The following RASSF8 variants were observed in gnomAD, a reference collection of about 807,000 sequenced individuals.
The protein encoded by RASSF8 is ras association domain-containing protein 8.
In RASSF8, 22 loss-of-function variants were observed where a neutral mutation model predicts 48.5. The observed-to-expected ratio is 0.45, with a 90% CI of 0.32 to 0.65. The LOEUF is 0.65. Among genes scored for constraint, RASSF8 ranks in the 30% least tolerant of loss-of-function variants. The pLI is 0.03. For synonymous variants in RASSF8, 127 were observed against 171.5 expected, an observed-to-expected ratio of 0.74 and a Z score of 2.03; for missense variants, 418 against 489.2, an observed-to-expected ratio of 0.85 and a Z score of 1.37.
At chr12:26,014,912 A>G (rs537112250) in intron 2 of RASSF8, among the ~76,000 whole-genome samples, 1 of 151,978 alleles carries the variant, frequency 6.6e-6, no homozygotes, top group East Asian at 1.9e-4. Flanking sequence ...TAAAAAAAAA[A>G]TATTCCATAC....
At chr12:25,984,779 T>C (rs760588269) in intron 1 of RASSF8, among the ~76,000 whole-genome samples, 6 of 152,218 alleles carry the variant, frequency 3.9e-5, no homozygotes, top group Non-Finnish European at 8.8e-5. Flanking sequence ...AAATTGTGAG[T>C]GCATGAATGT....
At chr12:25,980,548 A>G (rs1941717066) in intron 1 of RASSF8, among the ~76,000 whole-genome samples, 1 of 152,122 alleles carries the variant, frequency 6.6e-6, no homozygotes, top group African/African-American at 2.4e-5. Context: ...TCCATTTTTT[A>G]AAAGCATCAA....
chr12:25,994,028 TAGC>T lies in RASSF8; in HGVS notation c.-202-1005_-202-1003del, dbSNP rs1292886902. 8.5e-5 allele frequency among the ~76,000 whole-genome samples: 13 copies of T among 152,306 alleles called. No homozygotes were observed. The East Asian group carries it at 2.5e-3, about 29-fold the overall frequency. ...GAGACAAAGTCTTCATTCAGGGCTA[TAGC>T]AGCTGTGCAGGGAGAGCCCAGCTAT... is the stretch of plus-strand genomic sequence containing the variant. On this transcript the variant is annotated intron_variant, in intron 1 of 5. Transcript: ENST00000689635.
intron 1 of RASSF8, among the ~76,000 whole-genome samples, chr12:25,981,699 T>C (rs1401513191): frequency 1.3e-5 from 2 of 152,264 alleles, no homozygotes; most frequent in Non-Finnish European, 2.9e-5. Flanking sequence ...ATGACCTTGC[T>C]GTTTCTTGTA....
chr12:26,015,263 C>T (rs1424616554), intron 2 of RASSF8, among the ~76,000 whole-genome samples: 1 of 151,852 alleles, frequency 6.6e-6, no homozygotes, highest in Non-Finnish European at 1.5e-5. Context: ...TCTACTGATC[C>T]CTTGGTAAAA....
chr12:26,071,559 T>A lies in RASSF8; in HGVS notation c.*2741T>A. 3 of 980,648 alleles carry A rather than the reference T, an allele frequency of 3.1e-6. No individual in the cohort carries two copies. Among genetic ancestry groups the A allele is most frequent in the Non-Finnish European group, 3.6e-6 (3 of 825,574 alleles). The allele number at this position is 980,648 out of a possible 1,614,324, so 60.7% of individuals were successfully genotyped here. A position where few individuals can be genotyped will look rare whatever the true frequency, so the allele number is the denominator to read the frequency against. On this transcript the variant is annotated 3_prime_UTR_variant, in exon 6 of 6. Coordinates refer to ENST00000689635, the MANE Select transcript of RASSF8 (RefSeq NM_001394098.1). Reference sequence around the variant, plus strand: ...TCTGTCATCCTCAGAGAATGGCCCATAGTGTGTTGCCTGTGGACATAGTGT... The same window carrying A: ...TCTGTCATCCTCAGAGAATGGCCCAAAGTGTGTTGCCTGTGGACATAGTGT...
intron 1 of RASSF8, among the ~76,000 whole-genome samples, chr12:25,986,103 A>G (rs1244338603): frequency 1.3e-5 from 2 of 152,206 alleles, no homozygotes; most frequent in Non-Finnish European, 2.9e-5. Context: ...GTGACCCTGT[A>G]GCAGAGTCTG....
At chr12:25,970,288 G>C (rs1167159577) in intron 1 of RASSF8, among the ~76,000 whole-genome samples, 1 of 152,044 alleles carries the variant, frequency 6.6e-6, no homozygotes, top group Non-Finnish European at 1.5e-5. Flanking sequence ...CCTGATTTCT[G>C]GGCCCCTGCC....
Position 26,068,934 on chromosome 12 carries a change from T to TC in RASSF8, c.*117dup. The TC allele has an allele frequency of 1.2e-5, 17 of 1,456,934 alleles. No homozygotes were observed. The highest frequency in any genetic ancestry group is 1.5e-5 in the Non-Finnish European group (17 of 1,107,048). The allele number at this position is 1,456,934 out of a possible 1,614,324, so 90.3% of individuals were successfully genotyped here. A position where few individuals can be genotyped will look rare whatever the true frequency, so the allele number is the denominator to read the frequency against. ...ATTCCACAAGACGCTGTATGTTTTT[T>TC]CTCTCCTAAATTGCATACCACTTGG... On this transcript the variant is annotated 3_prime_UTR_variant, in exon 6 of 6. Coordinates refer to ENST00000689635, the MANE Select transcript of RASSF8 (RefSeq NM_001394098.1).
chr12:26,078,311 G>A (rs1297415914), intron 5 of RASSF8, among the ~76,000 whole-genome samples: 2 of 152,186 alleles, frequency 1.3e-5, no homozygotes, highest in Non-Finnish European at 2.9e-5. Flanking sequence ...TTTATACAGT[G>A]GCTTGAGAAG....
In RASSF8 at chr12:26,071,899, A is replaced by G; in HGVS notation, c.*3081A>G. On this transcript the variant is annotated 3_prime_UTR_variant, in exon 6 of 6. Coordinates refer to ENST00000689635, the MANE Select transcript of RASSF8 (RefSeq NM_001394098.1). ...TGTAAGCACTTGCTTCCACAGCATA[A>G]ATGTAATTTACATCTGCATTAAAGG... 10 of 985,172 alleles carry G rather than the reference A, an allele frequency of 1.0e-5. No individual in the cohort carries two copies. The highest frequency in any genetic ancestry group is 1.2e-5 in the Non-Finnish European group (10 of 829,668). The allele number at this position is 985,172 out of a possible 1,614,324, so 61.0% of individuals were successfully genotyped here. A position where few individuals can be genotyped will look rare whatever the true frequency, so the allele number is the denominator to read the frequency against.
chr12:26,040,319 T>A (rs1485131399), intron 2 of RASSF8, among the ~76,000 whole-genome samples: 1 of 152,164 alleles, frequency 6.6e-6, no homozygotes, highest in Non-Finnish European at 1.5e-5. Context: ...CTGCCACTAG[T>A]AAGTAAATTT....
chr12:26,048,037 G>T (rs1022168622), intron 2 of RASSF8, among the ~76,000 whole-genome samples: 2 of 152,232 alleles, frequency 1.3e-5, no homozygotes, highest in African/African-American at 2.4e-5. Flanking sequence ...CATGAGGCAG[G>T]AGAGATACCT....
chr12:26,071,913 C>G lies in RASSF8; in HGVS notation c.*3095C>G, dbSNP rs10842663. 1 of 984,330 alleles carries G rather than the reference C, an allele frequency of 1.0e-6. No individual in the cohort carries two copies. The highest frequency in any genetic ancestry group is 1.2e-6 in the Non-Finnish European group (1 of 829,158). The allele number at this position is 984,330 out of a possible 1,614,324, so 61.0% of individuals were successfully genotyped here. ...TCCACAGCATAAATGTAATTTACAT[C>G]TGCATTAAAGGATAATTTTCTCTGT... On this transcript the variant is annotated 3_prime_UTR_variant, in exon 6 of 6. Coordinates refer to ENST00000689635, the MANE Select transcript of RASSF8 (RefSeq NM_001394098.1).
At chr12:26,040,604 C>T (rs1356134082) in intron 2 of RASSF8, among the ~76,000 whole-genome samples, 1 of 152,182 alleles carries the variant, frequency 6.6e-6, no homozygotes, top group Non-Finnish European at 1.5e-5. Context: ...TACCTCTTGA[C>T]TCTGAAAACA....
intron 2 of RASSF8, among the ~76,000 whole-genome samples, chr12:26,051,413 G>T (rs1943487353): frequency 6.6e-6 from 1 of 152,072 alleles, no homozygotes; most frequent in African/African-American, 2.4e-5. Context: ...GTTAGTTTTT[G>T]GGGAGTTTCT....
In RASSF8 at chr12:26,072,127, G is replaced by A; in HGVS notation, c.*3309G>A. On this transcript the variant is annotated 3_prime_UTR_variant, in exon 6 of 6. Coordinates refer to ENST00000689635, the MANE Select transcript of RASSF8 (RefSeq NM_001394098.1). ...ATTGTGCATTGCCTTTGATAAATTT[G>A]GCCTTAATTTATATAACGATGCTGT... 1.0e-6 allele frequency: 1 copy of A among 984,584 alleles called. No homozygotes were observed. Among genetic ancestry groups the A allele is most frequent in the Non-Finnish European group, 1.2e-6 (1 of 829,238 alleles). The allele number at this position is 984,584 out of a possible 1,614,324, so 61.0% of individuals were successfully genotyped here. A position where few individuals can be genotyped will look rare whatever the true frequency, so the allele number is the denominator to read the frequency against.
intron 1 of RASSF8, among the ~76,000 whole-genome samples, chr12:25,989,066 C>T (rs752738755): frequency 5.3e-5 from 8 of 152,172 alleles, no homozygotes; most frequent in Non-Finnish European, 1.0e-4. Context: ...ACTTACCAAG[C>T]GGTAGTAAAG....
Position 26,072,081 on chromosome 12 carries a change from T to A in RASSF8, c.*3263T>A, listed in dbSNP as rs1513129. On this transcript the variant is annotated 3_prime_UTR_variant, in exon 6 of 6. Coordinates refer to ENST00000689635, the MANE Select transcript of RASSF8 (RefSeq NM_001394098.1). ...TTTTGATTTCAGGCATGCAAAGTGC[T>A]TGGGCAGATGGACAGTTCCCATTGT... 7.1e-6 allele frequency: 7 copies of A among 985,372 alleles called. No individual in the cohort carries two copies. In the South Asian group the frequency reaches 1.4e-4, roughly 20 times the overall value. The allele number at this position is 985,372 out of a possible 1,614,324, so 61.0% of individuals were successfully genotyped here.
Sources: gnomAD v4.1 joint callset for allele counts (sites outside exome capture counted in the v4.1 genomes callset) on GRCh38, gnomAD v4.1.1 for gene constraint, MANE v1.5 for transcripts, NCBI Gene and HGNC (gene_info 2026-07-23, HGNC 2026-07-21) for gene names.